The following CRYBG1 variants were observed in gnomAD, a reference collection of about 807,000 sequenced individuals.
The protein encoded by CRYBG1 is beta/gamma crystallin domain-containing protein 1.
In CRYBG1, 139 loss-of-function variants were observed where a neutral mutation model predicts 189.2. The ratio of observed to expected loss-of-function variants is 0.73; its 90% CI spans 0.64 to 0.85. The LOEUF (loss-of-function observed/expected upper bound fraction) is 0.85. Among genes scored for constraint, CRYBG1 ranks in the 40% least tolerant of loss-of-function variants. CRYBG1 has a pLI of 0.00. For missense variants in CRYBG1, 2,611 were observed against 2,675.8 expected (o/e 0.98, Z 0.53); for synonymous variants, 1,023 against 1,017.1 (o/e 1.01, Z -0.11).
intron 2 of CRYBG1, among the ~76,000 whole-genome samples, chr6:106,500,865 AAGAGAATAAGGCT>A (rs1772993112): frequency 6.6e-6 from 1 of 152,226 alleles, no homozygotes; most frequent in South Asian, 2.1e-4. Flanking sequence ...TCATTTGAGA[AAGAGAATAAGGCT>A]AGAGACAGGC....
At chr6:106,540,788 CT>C (rs992653633) in intron 9 of CRYBG1, among the ~76,000 whole-genome samples, 1 of 150,872 alleles carries the variant, frequency 6.6e-6, no homozygotes, top group East Asian at 1.9e-4. Flanking sequence ...CTTGGTGGTA[CT>C]TTTTTTTAAA....
chr6:106,538,009 C>A (rs997254599), intron 8 of CRYBG1, among the ~76,000 whole-genome samples: 3 of 152,092 alleles, frequency 2.0e-5, no homozygotes, highest in Non-Finnish European at 2.9e-5. Flanking sequence ...GGGGTCAGAC[C>A]CGTTTTGTTG....
intron 1 of CRYBG1, among the ~76,000 whole-genome samples, chr6:106,393,272 T>C (rs765072268): frequency 3.9e-5 from 6 of 152,162 alleles, no homozygotes; most frequent in Non-Finnish European, 8.8e-5. Context: ...CATGAATCAA[T>C]GATGCACAGG....
At chr6:106,391,928 CGTGTGTGTGTGTGTGTGTGTGTGT>C (rs57024907) in intron 1 of CRYBG1, among the ~76,000 whole-genome samples, 3 of 131,302 alleles carry the variant, frequency 2.3e-5, no homozygotes, top group South Asian at 2.5e-4. Flanking sequence ...TTGTTTAAAA[CGTGTGTGTGTGTGTGTGTGTGTGT>C]GTGTGTGTGT....
intron 1 of CRYBG1, among the ~76,000 whole-genome samples, chr6:106,446,471 T>C (rs1400861840): frequency 2.0e-5 from 3 of 152,334 alleles, no homozygotes; most frequent in East Asian, 3.9e-4. Context: ...GGATAGACAA[T>C]AGATGGCAGT....
chr6:106,528,700 A>G (rs1773809493), intron 7 of CRYBG1, among the ~76,000 whole-genome samples: 1 of 152,080 alleles, frequency 6.6e-6, no homozygotes, highest in African/African-American at 2.4e-5. Context: ...GGGAAACGAG[A>G]TCTCTTGTTT....
At chr6:106,514,783 T>C (rs558752205) in intron 3 of CRYBG1, among the ~76,000 whole-genome samples, 27 of 152,370 alleles carry the variant, frequency 1.8e-4, no homozygotes, top group Middle Eastern at 3.4e-3. Context: ...CTGTTCTCTG[T>C]AATAGAACTA....
chr6:106,491,098 T>C (rs1772712709), intron 2 of CRYBG1, among the ~76,000 whole-genome samples: 1 of 152,222 alleles, frequency 6.6e-6, no homozygotes, highest in Admixed American at 6.5e-5. Context: ...CACAAAGCAT[T>C]ACCCTTTTTT....
At chr6:106,468,843 G>T (rs1772165559) in intron 2 of CRYBG1, among the ~76,000 whole-genome samples, 1 of 152,138 alleles carries the variant, frequency 6.6e-6, no homozygotes, top group African/African-American at 2.4e-5. Flanking sequence ...GACAAAACAC[G>T]ACATTGTAAG....
At position 106,525,332 on chromosome 6, in the gene CRYBG1, A is replaced by T. The variant is rs1186148682; in HGVS notation, c.4358A>T (p.Asp1453Val). ...ATTGAAGTTTTCAGTGACATTCAGG[A>T]TTGCAGTTCTTGGAGCCTCTCTCCA... ...KCIEVFSDIQ[D>V]CSSWSLSPVI... is the part of the protein sequence containing the mutation. Residue 1453 changes from aspartate (D) to valine (V), a missense_variant, in exon 6 of 22, where the codon GAT (aspartate) becomes GTT (valine). By Grantham distance (152) the Asp-to-Val change is radical (BLOSUM62 -3). Around this residue, in one of 3 missense-constraint regions of CRYBG1, gnomAD observed 1,622 missense variants for 1,735.0 expected, o/e 0.93. Coordinates refer to ENST00000633556, the MANE Select transcript of CRYBG1 (RefSeq NM_001371242.2). The T allele has an allele frequency of 1.2e-6, 2 of 1,614,126 alleles. No homozygotes were observed. Among genetic ancestry groups the T allele is most frequent in the East Asian group, 4.5e-5 (2 of 44,860 alleles).
chr6:106,549,755 T>C (rs896410688), intron 13 of CRYBG1, among the ~76,000 whole-genome samples: 1 of 152,164 alleles, frequency 6.6e-6, no homozygotes, highest in Non-Finnish European at 1.5e-5. Context: ...TTGGCTGTTA[T>C]TAGCTACTTC....
chr6:106,556,942 A>G lies in CRYBG1; in HGVS notation c.5715+1045A>G, dbSNP rs377401105. 6.6e-5 allele frequency among the ~76,000 whole-genome samples: 10 copies of G among 152,234 alleles called. 1 individual carries two copies. The East Asian group carries it at 1.2e-3, about 18-fold the overall frequency. ...AATTCTAAAAGCTACCTACAAGTATATATTTGAAAATTTCAATGCCTTCCC... is the reference window on the plus strand; with the variant it reads ...AATTCTAAAAGCTACCTACAAGTATGTATTTGAAAATTTCAATGCCTTCCC... On this transcript the variant is annotated intron_variant, in intron 17 of 21. Transcript: ENST00000633556.
At chr6:106,410,573 A>C (rs182728256) in intron 1 of CRYBG1, among the ~76,000 whole-genome samples, 2 of 152,360 alleles carry the variant, frequency 1.3e-5, no homozygotes, top group Non-Finnish European at 2.9e-5. Flanking sequence ...ACACATGCAC[A>C]CATATGTTTA....
intron 2 of CRYBG1, among the ~76,000 whole-genome samples, chr6:106,508,048 A>C (rs1472231134): frequency 6.6e-6 from 1 of 152,196 alleles, no homozygotes; most frequent in Non-Finnish European, 1.5e-5. Flanking sequence ...AGACTTTGAT[A>C]CCAGCCTGGG....
intron 2 of CRYBG1, among the ~76,000 whole-genome samples, chr6:106,463,694 T>G (rs1219349924): frequency 6.6e-6 from 1 of 152,204 alleles, no homozygotes; most frequent in East Asian, 1.9e-4. Context: ...GATAAAGCCT[T>G]TAGTTGTTTC....
At position 106,555,936 on chromosome 6, in the gene CRYBG1, G is replaced by A. The variant is rs199773428; in HGVS notation, c.5715+39G>A. On this transcript the variant is annotated intron_variant, in intron 17 of 21. Transcript: ENST00000633556. The stretch of plus-strand genomic sequence containing the variant: ...TGTGAATAGTGTTGCAGAAATGTAT[G>A]CCTCATATAGCTGATGGTCAGAGTG... 3.5e-5 allele frequency: 57 copies of A among 1,609,934 alleles called. No homozygotes were observed. The East Asian group carries it at 4.0e-4, about 11-fold the overall frequency.
chr6:106,374,760 A>G (rs180793546), intron 1 of CRYBG1, among the ~76,000 whole-genome samples: 106 of 152,302 alleles, frequency 7.0e-4, no homozygotes, highest in African/African-American at 2.3e-3. Context: ...ATATTGATAT[A>G]TATGTTTGTA....
chr6:106,362,305 C>A (rs9372125), intron 1 of CRYBG1, among the ~76,000 whole-genome samples: 101,010 of 151,816 alleles, frequency 0.67, 33,782 homozygotes, highest in African/African-American at 0.73. Flanking sequence ...ATTTTACGAT[C>A]TATTTTCATT....
At position 106,568,489 on chromosome 6, in the gene CRYBG1, C is replaced by A. The variant is rs1468156265; in HGVS notation, c.6319C>A (p.Gln2107Lys). Residue 2107 changes from glutamine (Q) to lysine (K), a missense_variant, in exon 22 of 22, where the codon CAA becomes AAA. Transcript: ENST00000633556. ...LDIKGGTQYDQNHIILNTVSK... is the reference protein window; with the variant it reads ...LDIKGGTQYDKNHIILNTVSK... ...TCTTTTAGGGGGCACACAGTATGAT[C>A]AAAATCACATTATCCTCAACACTGT... is the stretch of plus-strand genomic sequence containing the variant. 1.9e-6 allele frequency: 3 copies of A among 1,613,630 alleles called. No individual in the cohort carries two copies. Among genetic ancestry groups the A allele is most frequent in the Non-Finnish European group, 2.5e-6 (3 of 1,179,630 alleles).
Sources: allele counts gnomAD v4.1 joint callset (sites outside exome capture counted in the v4.1 genomes callset), GRCh38; gene constraint gnomAD v4.1.1; regional missense constraint gnomAD v4.1.1; transcripts MANE v1.5; gene names NCBI Gene and HGNC (gene_info 2026-07-23, HGNC 2026-07-21).